Variants in PCDHGB4 observed in about 807,000 individuals in gnomAD.
PCDHGB4 encodes the protein protocadherin gamma-B4.
In PCDHGB4, 38 loss-of-function variants were observed where a neutral mutation model predicts 60.5. That is an observed-to-expected ratio of 0.63 (90% CI 0.48 to 0.82). The LOEUF (loss-of-function observed/expected upper bound fraction) is 0.82, where lower values mean the gene tolerates loss of function less well. Ranked by LOEUF, PCDHGB4 falls within the 40% of genes least tolerant of loss-of-function variation. The probability of loss-of-function intolerance (pLI) is 0.00; values close to 1 mark genes in which losing one functional copy is unlikely to be tolerated. For synonymous variants in PCDHGB4, 456 were observed against 509.7 expected (o/e 0.89, Z 1.42); for missense variants, 1,109 against 1,209.6 (o/e 0.92, Z 1.23).
intron 2 of PCDHGB4, among the ~76,000 whole-genome samples, chr5:141,500,469 A>G (rs917974103): frequency 1.3e-5 from 2 of 152,052 alleles, no homozygotes; most frequent in East Asian, 1.9e-4. Context: ...TCGGCCTCCC[A>G]AAGTGCTGGG....
At chr5:141,473,236 A>G (rs1314160781) in intron 1 of PCDHGB4, among the ~76,000 whole-genome samples, 1 of 152,200 alleles carries the variant, frequency 6.6e-6, no homozygotes, top group Non-Finnish European at 1.5e-5. Flanking sequence ...GGATCCACAC[A>G]AGTGAATACA....
chr5:141,397,625 G>A (rs558654986), intron 1 of PCDHGB4, among the ~76,000 whole-genome samples: 2 of 152,338 alleles, frequency 1.3e-5, no homozygotes, highest in South Asian at 4.1e-4. Flanking sequence ...CTTAGTTCTA[G>A]CTAAGAGTTC....
intron 1 of PCDHGB4, chr5:141,420,154 T>C (rs2096470856): frequency 2.5e-6 from 4 of 1,613,948 alleles, no homozygotes; most frequent in Non-Finnish European, 2.5e-6. Flanking sequence ...ATCCAGAATT[T>C]AATTTTTTCA....
chr5:141,476,233 G>A lies in PCDHGB4; in HGVS notation c.2398-18574G>A, dbSNP rs1162067190. ...CGGTCATTCACTATGAGATCCCGGA[G>A]GAAAGAGAGAAGGGTTTCGCTGTGG... On this transcript the variant is annotated intron_variant, in intron 1 of 3. Coordinates refer to ENST00000519479, the MANE Select transcript of PCDHGB4 (RefSeq NM_003736.4). The surrounding 1 kb of genome is among the most constrained non-coding windows in gnomAD (Gnocchi z 7.6). The A allele has an allele frequency of 3.1e-6, 5 of 1,613,996 alleles. No homozygotes were observed. Among genetic ancestry groups the A allele is most frequent in the African/African-American group, 2.7e-5 (2 of 74,894 alleles).
In PCDHGB4 at chr5:141,389,448, C is replaced by T. The variant is rs895638491; in HGVS notation, c.1564C>T (p.Gln522Ter). The change falls in exon 1 of 4, where the codon CAG becomes TAG. Residue 522 changes from glutamine (Q) to a stop codon, truncating the protein, a stop_gained. Coordinates refer to ENST00000519479, the MANE Select transcript of PCDHGB4 (RefSeq NM_003736.4). LOFTEE classifies it high-confidence loss of function. ...CGCGCAGCGCGCCTTCGACCACGAGCAGCTGCGCGCCTTCGAACTCACACT... is the reference window on the plus strand; with the variant it reads ...CGCGCAGCGCGCCTTCGACCACGAGTAGCTGCGCGCCTTCGAACTCACACT... ...VFAQRAFDHE[Q>*]LRAFELTLQA... 1.2e-6 allele frequency: 2 copies of T among 1,610,424 alleles called. No individual in the cohort carries two copies. The highest frequency in any genetic ancestry group is 1.7e-6 in the Non-Finnish European group (2 of 1,178,386).
chr5:141,402,880 A>G (rs886365174), intron 1 of PCDHGB4: 2 of 1,474,944 alleles, frequency 1.4e-6, no homozygotes, highest in Non-Finnish European at 1.8e-6. Flanking sequence ...CATACTTTGC[A>G]GGGTGGAAGA....
At chr5:141,495,193 T>G (rs1471524188) in intron 2 of PCDHGB4, among the ~76,000 whole-genome samples, 2 of 152,192 alleles carry the variant, frequency 1.3e-5, no homozygotes, top group Non-Finnish European at 2.9e-5. Flanking sequence ...TCTATGCCCA[T>G]GTACTGCCTA....
chr5:141,427,881 C>T (rs774499492), intron 1 of PCDHGB4: 6 of 1,563,720 alleles, frequency 3.8e-6, no homozygotes, highest in South Asian at 3.3e-5. Context: ...GATGCAGGCC[C>T]ACGACCAGGG....
rs373297942 is a variant in PCDHGB4 at position 141,431,494 on chromosome 5, C to G, written c.2397+41213C>G. ...ACAACGCACCAGCGTTTGCTCAGCCCGAGTACCGCGCGAGCGTTCCGGAGA... is the reference window on the plus strand; with the variant it reads ...ACAACGCACCAGCGTTTGCTCAGCCGGAGTACCGCGCGAGCGTTCCGGAGA... On this transcript the variant is annotated intron_variant, in intron 1 of 3. Transcript: ENST00000519479. This position sits in a 1 kb window ranked among gnomAD's most constrained non-coding sequence, Gnocchi z 4.8. 16 of 1,613,838 alleles carry G rather than the reference C, an allele frequency of 9.9e-6. No individual in the cohort carries two copies. The highest frequency in any genetic ancestry group is 1.4e-5 in the Non-Finnish European group (16 of 1,180,030).
chr5:141,423,474 T>C, intron 1 of PCDHGB4: 1 of 1,614,004 alleles, frequency 6.2e-7, no homozygotes, highest in Non-Finnish European at 8.5e-7. Flanking sequence ...GGGTACAGGC[T>C]TTCCTGCAAA....
chr5:141,405,231 C>A, intron 1 of PCDHGB4: 1 of 1,614,130 alleles, frequency 6.2e-7, no homozygotes, highest in Non-Finnish European at 8.5e-7. Flanking sequence ...TTCTCCCTCA[C>A]CGCTGACTCA....
chr5:141,419,470 G>A (rs2096387963), intron 1 of PCDHGB4: 1 of 1,612,362 alleles, frequency 6.2e-7, no homozygotes, highest in African/African-American at 1.3e-5. Context: ...CCCGCGACCA[G>A]GGCTCGCCCG....
intron 1 of PCDHGB4, chr5:141,403,431 C>T: frequency 6.2e-7 from 1 of 1,614,028 alleles, no homozygotes; most frequent in Non-Finnish European, 8.5e-7. Context: ...GCTATTGATC[C>T]GGATGTTGGC....
In PCDHGB4 at chr5:141,477,472, C is replaced by T. The variant is rs764533834; in HGVS notation, c.2398-17335C>T. 1 of 1,614,156 alleles carries T rather than the reference C, an allele frequency of 6.2e-7. No homozygotes were observed. Among genetic ancestry groups the T allele is most frequent in the South Asian group, 1.1e-5 (1 of 91,080 alleles). Reference sequence around the variant, plus strand: ...GTGTTCAAGTGTCCGACATCAATGACAACCCTCCACAATCTTCTCAATCTT... The same window carrying T: ...GTGTTCAAGTGTCCGACATCAATGATAACCCTCCACAATCTTCTCAATCTT... On this transcript the variant is annotated intron_variant, in intron 1 of 3. Transcript: ENST00000519479. This position sits in a 1 kb window ranked among gnomAD's most constrained non-coding sequence, Gnocchi z 4.9.
chr5:141,508,741 C>G (rs2099871426), intron 3 of PCDHGB4, among the ~76,000 whole-genome samples: 1 of 152,042 alleles, frequency 6.6e-6, no homozygotes, highest in Non-Finnish European at 1.5e-5. Context: ...ACCCCCCACC[C>G]CGCTCTTTCT....
chr5:141,510,289 A>T (rs1279501931), intron 3 of PCDHGB4, among the ~76,000 whole-genome samples: 3 of 151,754 alleles, frequency 2.0e-5, no homozygotes, highest in Non-Finnish European at 4.4e-5. Context: ...AAAAAAAAAA[A>T]AATGCTGTTT....
rs1399844519 is a variant in PCDHGB4 at position 141,477,484 on chromosome 5, A to G, written c.2398-17323A>G. 1.2e-6 allele frequency: 2 copies of G among 1,614,014 alleles called. No homozygotes were observed. The highest frequency in any genetic ancestry group is 1.7e-6 in the Non-Finnish European group (2 of 1,180,006). ...CCGACATCAATGACAACCCTCCACAATCTTCTCAATCTTCCTACGACGTTT... is the reference window on the plus strand; with the variant it reads ...CCGACATCAATGACAACCCTCCACAGTCTTCTCAATCTTCCTACGACGTTT... On this transcript the variant is annotated intron_variant, in intron 1 of 3. Coordinates refer to ENST00000519479, the MANE Select transcript of PCDHGB4 (RefSeq NM_003736.4). This position sits in a 1 kb window ranked among gnomAD's most constrained non-coding sequence, Gnocchi z 4.9.
At chr5:141,403,585 C>A in intron 1 of PCDHGB4, 1 of 1,613,894 alleles carries the variant, frequency 6.2e-7, no homozygotes, top group South Asian at 1.1e-5. Context: ...ACCACCTGGT[C>A]CTCACGGCCT....
intron 1 of PCDHGB4, chr5:141,413,967 G>A: frequency 6.2e-7 from 1 of 1,613,428 alleles, no homozygotes; most frequent in Non-Finnish European, 8.5e-7. Context: ...TGGGCACTCA[G>A]CTGCTGACAG....
Sources: allele counts gnomAD v4.1 joint callset (sites outside exome capture counted in the v4.1 genomes callset), GRCh38; gene constraint gnomAD v4.1.1; non-coding constraint Gnocchi (gnomAD v3.1); transcripts MANE v1.5; gene names NCBI Gene and HGNC (gene_info 2026-07-23, HGNC 2026-07-21).